KCNU1: variants seen among roughly 807,000 people sequenced by gnomAD.
KCNU1 encodes potassium channel subfamily U member 1.
In KCNU1, 93 loss-of-function variants were observed where a neutral mutation model predicts 126.8. The observed-to-expected ratio is 0.73, with a 90% CI of 0.62 to 0.87. The LOEUF is 0.87. Among genes scored for constraint, KCNU1 ranks in the 40% least tolerant of loss-of-function variants. The pLI is 0.00. For missense variants in KCNU1, 1,330 were observed against 1,367.1 expected, an observed-to-expected ratio of 0.97 and a Z score of 0.43; for synonymous variants, 523 against 494.2, an observed-to-expected ratio of 1.06 and a Z score of -0.77.
chr8:36,931,627 C>G (rs897344533), intron 25 of KCNU1, among the ~76,000 whole-genome samples: 2 of 151,968 alleles, frequency 1.3e-5, no homozygotes, highest in African/African-American at 4.8e-5. Flanking sequence ...AAGGACTTGC[C>G]AGAGACCACA....
chr8:36,823,001 T>G (rs1418264982), intron 10 of KCNU1, among the ~76,000 whole-genome samples: 5 of 152,206 alleles, frequency 3.3e-5, no homozygotes, highest in Non-Finnish European at 4.4e-5. Flanking sequence ...AAATCATGTA[T>G]ACTTCCATGT....
intron 22 of KCNU1, among the ~76,000 whole-genome samples, chr8:36,914,217 T>C (rs2117548887): frequency 6.6e-6 from 1 of 152,238 alleles, no homozygotes; most frequent in Non-Finnish European, 1.5e-5. Flanking sequence ...AAAATAAGAT[T>C]TGCTGCTAGG....
At chr8:36,808,087 T>C (rs1304265675) in intron 6 of KCNU1, among the ~76,000 whole-genome samples, 1 of 152,034 alleles carries the variant, frequency 6.6e-6, no homozygotes, top group Non-Finnish European at 1.5e-5. Context: ...CACTGCTACG[T>C]GTTTATGAAT....
chr8:36,912,953 C>CAAAAAAAAA (rs71547665), intron 22 of KCNU1, among the ~76,000 whole-genome samples: 2 of 37,374 alleles, frequency 5.4e-5, no homozygotes, highest in African/African-American at 1.2e-4. Flanking sequence ...GGTGACAGAG[C>CAAAAAAAAA]AAAAAAAAAA....
At chr8:36,931,274 A>G (rs934275631) in intron 25 of KCNU1, 129 bp downstream of exon 25, 2 of 517,146 alleles carry the variant, frequency 3.9e-6, no homozygotes, top group South Asian at 4.2e-5. Flanking sequence ...AATAACAAAA[A>G]AAGAATACAA....
At chr8:36,934,718 AG>A (rs1470045339) in intron 26 of KCNU1, among the ~76,000 whole-genome samples, 1 of 152,090 alleles carries the variant, frequency 6.6e-6, no homozygotes, top group Non-Finnish European at 1.5e-5. Context: ...GATCTATGCT[AG>A]GAAAGAGTTG....
At chr8:36,813,174 T>C (rs758543493) in intron 7 of KCNU1, among the ~76,000 whole-genome samples, 2 of 152,116 alleles carry the variant, frequency 1.3e-5, no homozygotes, top group Non-Finnish European at 2.9e-5. Flanking sequence ...CATTCTTACT[T>C]TGGAGTGGAG....
chr8:36,910,794 A>C (rs1807840699), intron 21 of KCNU1, 136 bp from the exon 22 acceptor site: 1 of 560,236 alleles, frequency 1.8e-6, no homozygotes, highest in Non-Finnish European at 3.1e-6. Flanking sequence ...GAGGTAACTA[A>C]GTTTTAAAAT....
intron 18 of KCNU1, among the ~76,000 whole-genome samples, chr8:36,858,661 C>A (rs1374129026): frequency 6.6e-6 from 1 of 152,078 alleles, no homozygotes; most frequent in Non-Finnish European, 1.5e-5. Context: ...ATAATCATCC[C>A]TTTTTAGCTG....
intron 18 of KCNU1, among the ~76,000 whole-genome samples, chr8:36,855,980 A>C: frequency 6.6e-6 from 1 of 152,176 alleles, no homozygotes; most frequent in African/African-American, 2.4e-5. Flanking sequence ...TTTAGTCCAC[A>C]ACAGTCACAT....
intron 19 of KCNU1, among the ~76,000 whole-genome samples, chr8:36,898,415 C>A (rs1807282100): frequency 6.6e-6 from 1 of 151,820 alleles, no homozygotes; most frequent in African/African-American, 2.4e-5. Context: ...GCCAAGCCTC[C>A]CAACCCACTG....
At chr8:36,854,472 CTTT>C (rs35097649) in intron 18 of KCNU1, among the ~76,000 whole-genome samples, 1 of 135,456 alleles carries the variant, frequency 7.4e-6, no homozygotes. Flanking sequence ...TATGCTGATT[CTTT>C]TTTTTTTTTT....
intron 19 of KCNU1, among the ~76,000 whole-genome samples, chr8:36,879,501 CT>C (rs924417313): frequency 8.6e-5 from 13 of 151,670 alleles, no homozygotes; most frequent in African/African-American, 3.2e-4. Flanking sequence ...TGTTGAGTGC[CT>C]TTGATATGCG....
intron 24 of KCNU1, among the ~76,000 whole-genome samples, chr8:36,929,253 G>A (rs1444484902): frequency 6.6e-6 from 1 of 151,786 alleles, no homozygotes; most frequent in African/African-American, 2.4e-5. Flanking sequence ...GTGTGGTGGT[G>A]CACAACTGTA....
At chr8:36,899,606 G>A (rs1807337604) in intron 19 of KCNU1, among the ~76,000 whole-genome samples, 1 of 152,032 alleles carries the variant, frequency 6.6e-6, no homozygotes, top group Non-Finnish European at 1.5e-5. Context: ...CTCTGTGTAT[G>A]CAAAGAATCA....
chr8:36,873,002 C>T (rs1194855445), intron 19 of KCNU1, among the ~76,000 whole-genome samples: 2 of 152,148 alleles, frequency 1.3e-5, no homozygotes, highest in Non-Finnish European at 2.9e-5. Flanking sequence ...TCACTTGAAC[C>T]TGGGAGGTGG....
chr8:36,924,741 G>A (rs1021101722), intron 24 of KCNU1, among the ~76,000 whole-genome samples: 4 of 152,260 alleles, frequency 2.6e-5, no homozygotes, highest in South Asian at 2.1e-4. Flanking sequence ...TGTCAGGCAG[G>A]AGGTGACTCT....
intron 7 of KCNU1, among the ~76,000 whole-genome samples, chr8:36,813,155 A>G (rs1585404611): frequency 6.6e-6 from 1 of 152,196 alleles, no homozygotes; most frequent in Admixed American, 6.5e-5. Flanking sequence ...AAGAACAGAC[A>G]TATAATCCCA....
At chr8:36,792,122 C>G (rs937223380) in intron 2 of KCNU1, among the ~76,000 whole-genome samples, 1 of 152,122 alleles carries the variant, frequency 6.6e-6, no homozygotes, top group Non-Finnish European at 1.5e-5. Flanking sequence ...GCACATGATA[C>G]AGTATTTTAA....
Sources: gnomAD v4.1 joint callset for allele counts (sites outside exome capture counted in the v4.1 genomes callset) on GRCh38, gnomAD v4.1.1 for gene constraint, MANE v1.5 for transcripts, NCBI Gene and HGNC (gene_info 2026-07-23, HGNC 2026-07-21) for gene names.